Variants in LRRK1 observed in about 807,000 individuals in gnomAD.
LRRK1 encodes leucine rich repeat kinase 1.
In LRRK1, 113 loss-of-function variants were observed where a neutral mutation model predicts 209.1. The observed-to-expected ratio is 0.54, with a 90% CI of 0.46 to 0.63. LRRK1 has a LOEUF of 0.63. Among genes scored for constraint, LRRK1 ranks in the 30% least tolerant of loss-of-function variants. The probability of loss-of-function intolerance (pLI) is 0.00; values close to 1 mark genes in which losing one functional copy is unlikely to be tolerated. For missense variants in LRRK1, 2,284 were observed against 2,632.2 expected, an observed-to-expected ratio of 0.87 and a Z score of 2.89; for synonymous variants, 1,144 against 1,099.7, an observed-to-expected ratio of 1.04 and a Z score of -0.80.
chr15:100,982,163 C>A (rs895800392), intron 3 of LRRK1, among the ~76,000 whole-genome samples: 1 of 152,150 alleles, frequency 6.6e-6, no homozygotes, highest in Admixed American at 6.5e-5. Flanking sequence ...TCCTGAGTCC[C>A]CAGTCCCACT....
At chr15:101,052,050 C>T (rs2035486821) in intron 24 of LRRK1, 90 bp downstream of exon 24, 2 of 1,483,770 alleles carry the variant, frequency 1.3e-6, no homozygotes, top group Non-Finnish European at 1.8e-6. Flanking sequence ...CAGGAAGACC[C>T]CTCTGGGGCG....
chr15:100,932,968 G>A (rs1307913637), intron 2 of LRRK1, among the ~76,000 whole-genome samples: 1 of 152,178 alleles, frequency 6.6e-6, no homozygotes, highest in Non-Finnish European at 1.5e-5. Context: ...TGGAGCCCTG[G>A]AGATGAGAAT....
rs200529094 is a variant in LRRK1, at chr15:101,012,086, G to T, written c.1360G>T (p.Asp454Tyr). ...MAVFWKNHLK[D>Y]VDFSENALKE... The stretch of plus-strand genomic sequence containing the variant: ...TGTCTTTTGGAAAAATCACCTGAAG[G>T]ATGTGGATTTCTCAGAAAACGCACT... Residue 454 changes from aspartate (D) to tyrosine (Y), a missense_variant, in exon 10 of 34, where the codon GAT (aspartate) becomes TAT (tyrosine). Around this residue, in one of 6 missense-constraint regions of LRRK1, gnomAD observed 494 missense variants for 522.1 expected, o/e 0.95. Coordinates refer to ENST00000388948, the MANE Select transcript of LRRK1 (RefSeq NM_024652.6). 41 of 1,613,302 alleles carry T rather than the reference G, an allele frequency of 2.5e-5. No individual in the cohort carries two copies. The East Asian group carries it at 2.7e-4, about 11-fold the overall frequency.
rs1459531837 is a variant in LRRK1 at position 101,021,088 on chromosome 15, T to C, written c.1645T>C (p.Ser549Pro). 3 of 1,613,862 alleles carry C rather than the reference T, an allele frequency of 1.9e-6. No individual in the cohort carries two copies. The highest frequency in any genetic ancestry group is 2.5e-6 in the Non-Finnish European group (3 of 1,179,914). Residue 549 changes from serine (S) to proline (P), a missense_variant, in exon 13 of 34, where the codon TCT becomes CCT. Physicochemically the swap from Ser to Pro is moderately conservative, Grantham distance 74. This residue lies in a region of LRRK1 where 494 missense variants were observed against 522.1 expected (regional missense o/e 0.95). Coordinates refer to ENST00000388948, the MANE Select transcript of LRRK1 (RefSeq NM_024652.6). ...VLEFPAFLSESLEVLCLNDNH... is the reference protein window; with the variant it reads ...VLEFPAFLSEPLEVLCLNDNH... ...GGAATTTCCGGCCTTCCTAAGTGAG[T>C]CTTTGGAAGTCCTTTGCCTGAACGA...
Position 100,927,501 on chromosome 15 carries a change from G to A in LRRK1, c.97+2772G>A, listed in dbSNP as rs376599998. On this transcript the variant is annotated intron_variant, in intron 2 of 33. Transcript: ENST00000388948. ...ACACACAAGGGCCAAGGACCCTGAC[G>A]TGACCTCAGCAGCCTTCACTGTGTA... 2.4e-4 allele frequency among the ~76,000 whole-genome samples: 36 copies of A among 152,254 alleles called. 2 individuals carry two copies. The highest frequency in any genetic ancestry group is 8.5e-4 in the Admixed American group (13 of 15,294).
chr15:100,974,808 C>T (rs2031197515), intron 3 of LRRK1, among the ~76,000 whole-genome samples: 2 of 152,202 alleles, frequency 1.3e-5, no homozygotes, highest in South Asian at 4.1e-4. Context: ...AAATCTTCTA[C>T]AGATTAACCC....
chr15:101,065,606 C>G lies in LRRK1; in HGVS notation c.5169C>G (p.Ile1723Met). Reference sequence around the variant, plus strand: ...TCATCGACTGTGCCTCCCTGGAGATCTGCAGGCGGCTGGAGCCCTACATGG... The same window carrying G: ...TCATCGACTGTGCCTCCCTGGAGATGTGCAGGCGGCTGGAGCCCTACATGG... ...LLVIDCASLE[I>M]CRRLEPYMAP... The change falls in exon 32 of 34, where the codon ATC becomes ATG. Residue 1723 changes from isoleucine (I) to methionine (M), a missense_variant. Physicochemically the swap from Ile to Met is conservative, Grantham distance 10. Transcript: ENST00000388948. 6.2e-7 allele frequency: 1 copy of G among 1,614,198 alleles called. No homozygotes were observed. Among genetic ancestry groups the G allele is most frequent in the African/African-American group, 1.3e-5 (1 of 75,064 alleles).
At chr15:100,973,024 C>G (rs2031024524) in intron 2 of LRRK1, among the ~76,000 whole-genome samples, 1 of 152,236 alleles carries the variant, frequency 6.6e-6, no homozygotes. Flanking sequence ...CTGTGAACCC[C>G]TTCTAGAGTG....
intron 2 of LRRK1, among the ~76,000 whole-genome samples, chr15:100,972,128 A>G: frequency 6.6e-6 from 1 of 151,610 alleles, no homozygotes; most frequent in East Asian, 1.9e-4. Context: ...ACACCCGGCT[A>G]ATTTTTGTGT....
chr15:101,016,076 G>A (rs374721417), intron 12 of LRRK1, among the ~76,000 whole-genome samples: 5 of 150,072 alleles, frequency 3.3e-5, no homozygotes, highest in African/African-American at 1.2e-4. Context: ...TGCAACCTCC[G>A]CCTCCCAGGT....
At position 100,950,926 on chromosome 15, in the gene LRRK1, A is replaced by AC. The variant is rs553019962; in HGVS notation, c.98-22877dup. ...AGACCATCCTGGCTAACACGGTGAAACGCCATCTCTACTAAAAATACAAAA... is the reference window on the plus strand; with the variant it reads ...AGACCATCCTGGCTAACACGGTGAAACCGCCATCTCTACTAAAAATACAAAA... On this transcript the variant is annotated intron_variant, in intron 2 of 33. Transcript: ENST00000388948. Among the ~76,000 whole-genome samples, 497 of 152,252 alleles carry AC rather than the reference A, an allele frequency of 3.3e-3. 5 individuals carry two copies. Among genetic ancestry groups the AC allele is most frequent in the African/African-American group, 0.011 (470 of 41,560 alleles).
intron 2 of LRRK1, among the ~76,000 whole-genome samples, chr15:100,945,243 C>T (rs1380611091): frequency 6.6e-6 from 1 of 152,172 alleles, no homozygotes; most frequent in African/African-American, 2.4e-5. Context: ...AGCAGCCCTT[C>T]AGGAGAGTTT....
intron 7 of LRRK1, 125 bp downstream of exon 7, chr15:101,009,188 G>A: frequency 1.3e-6 from 1 of 751,176 alleles, no homozygotes; most frequent in East Asian, 2.7e-5. Context: ...ATAGGAGAAG[G>A]AGTTTTGCCT....
rs1437125728 is a variant in LRRK1 at position 100,972,355 on chromosome 15, AGAGAGAGAGTGTGT to A, written c.98-1447_98-1434del. Among the ~76,000 whole-genome samples the A allele has an allele frequency of 5.6e-3, 756 of 134,082 alleles. 5 individuals are homozygous for A. The highest frequency in any genetic ancestry group is 8.1e-3 in the East Asian group (38 of 4,690). 88.0% of individuals were successfully genotyped at this position (134,082 alleles called of 152,430 possible). ...ATATATGAGAGAGAGAGAGAGAGAGAGAGAGAGAGTGTGTGTGTGTGTGTGTGTGTGTGTGTGTG... is the reference window on the plus strand; with the variant it reads ...ATATATGAGAGAGAGAGAGAGAGAGAGTGTGTGTGTGTGTGTGTGTGTGTG... On this transcript the variant is annotated intron_variant, in intron 2 of 33. Coordinates refer to ENST00000388948, the MANE Select transcript of LRRK1 (RefSeq NM_024652.6).
chr15:100,962,816 TA>T lies in LRRK1; in HGVS notation c.98-10987del, dbSNP rs2030126531. ...TTGCATATATATATATATATATATA[TA>T]TATATATTTTTTTTTTTTTTTTTGA... On this transcript the variant is annotated intron_variant, in intron 2 of 33. Transcript: ENST00000388948. 1.8e-3 allele frequency among the ~76,000 whole-genome samples: 59 copies of T among 32,710 alleles called. 1 individual carries two copies. The highest frequency in any genetic ancestry group is 4.0e-3 in the African/African-American group (41 of 10,268). The allele number at this position is 32,710 out of a possible 152,430, so 21.5% of individuals were successfully genotyped here. A position where few individuals can be genotyped will look rare whatever the true frequency, so the allele number is the denominator to read the frequency against.
At chr15:100,958,143 C>G (rs1451220416) in intron 2 of LRRK1, among the ~76,000 whole-genome samples, 1 of 152,188 alleles carries the variant, frequency 6.6e-6, no homozygotes, top group African/African-American at 2.4e-5. Context: ...GGCATGAACC[C>G]CCACACCCAG....
rs187413051 is a variant in LRRK1 at position 101,007,079 on chromosome 15, G to C, written c.763-1758G>C. Among the ~76,000 whole-genome samples the C allele has an allele frequency of 9.1e-4, 138 of 152,330 alleles. 1 individual carries two copies. The highest frequency in any genetic ancestry group is 5.4e-3 in the Admixed American group (82 of 15,306). On this transcript the variant is annotated intron_variant, in intron 6 of 33. Coordinates refer to ENST00000388948, the MANE Select transcript of LRRK1 (RefSeq NM_024652.6). ...AAGACCGGACGGAGTGTTGAGGGGC[G>C]TAGGCCCAGTCTTTCCAAACTCCTG... is the stretch of plus-strand genomic sequence containing the variant.
At chr15:100,953,147 A>T (rs2042688696) in intron 2 of LRRK1, among the ~76,000 whole-genome samples, 1 of 152,116 alleles carries the variant, frequency 6.6e-6, no homozygotes, top group Admixed American at 6.5e-5. Flanking sequence ...AACAACACTT[A>T]AGATCTACTC....
At chr15:100,921,208 G>A (rs555528519) in intron 1 of LRRK1, among the ~76,000 whole-genome samples, 10 of 152,268 alleles carry the variant, frequency 6.6e-5, no homozygotes, top group African/African-American at 1.9e-4. Context: ...GAGATACCCC[G>A]TGCATGGTGG....
Sources: allele counts gnomAD v4.1 joint callset (sites outside exome capture counted in the v4.1 genomes callset), GRCh38; gene constraint gnomAD v4.1.1; regional missense constraint gnomAD v4.1.1; transcripts MANE v1.5; gene names NCBI Gene and HGNC (gene_info 2026-07-23, HGNC 2026-07-21).